EFCAB6: variants seen among roughly 807,000 people sequenced by gnomAD.
EFCAB6 encodes the protein EF-hand calcium binding domain 6, also known as EF-hand calcium-binding domain-containing protein 6.
A neutral mutation model predicts 169.8 loss-of-function variants in EFCAB6; 156 were observed. That is an observed-to-expected ratio of 0.92 (90% CI 0.81 to 1.05). EFCAB6 has a LOEUF of 1.05. Among genes scored for constraint, EFCAB6 ranks in the 50% least tolerant of loss-of-function variants. The pLI, the probability that EFCAB6 is intolerant of heterozygous loss-of-function variation, is 0.00. For missense variants in EFCAB6, 1,800 were observed against 1,829.1 expected (o/e 0.98, Z 0.29); for synonymous variants, 698 against 676.4 (o/e 1.03, Z -0.50).
chr22:43,791,057 G>A (rs1475018622), intron 2 of EFCAB6, among the ~76,000 whole-genome samples: 2 of 152,150 alleles, frequency 1.3e-5, no homozygotes, highest in Non-Finnish European at 2.9e-5. Flanking sequence ...TACTGAATAG[G>A]TCACTGAATA....
At chr22:43,733,963 T>A (rs1244067498) in intron 7 of EFCAB6, among the ~76,000 whole-genome samples, 1 of 152,112 alleles carries the variant, frequency 6.6e-6, no homozygotes, top group Non-Finnish European at 1.5e-5. Flanking sequence ...TGCCTCAGCA[T>A]CCCAAAGTGC....
At chr22:43,718,059 TCCAC>T (rs5845614) in intron 8 of EFCAB6, among the ~76,000 whole-genome samples, 872 of 59,486 alleles carry the variant, frequency 0.015, 8 homozygotes, top group East Asian at 0.062. Context: ...CATCCATCCA[TCCAC>T]CCATCCATCC....
intron 27 of EFCAB6, among the ~76,000 whole-genome samples, chr22:43,544,244 A>G (rs1326098107): frequency 6.6e-6 from 1 of 152,066 alleles, no homozygotes; most frequent in Non-Finnish European, 1.5e-5. Context: ...CTCTCAGCTG[A>G]TAATCTTACC....
chr22:43,627,628 C>T lies in EFCAB6; in HGVS notation c.2233-949G>A, dbSNP rs1302818928. On this transcript the variant is annotated intron_variant, in intron 19 of 31. Coordinates refer to ENST00000262726, the MANE Select transcript of EFCAB6 (RefSeq NM_022785.4). The stretch of plus-strand genomic sequence containing the variant: ...AATGCCTGTTTCCCACATGCACCTG[C>T]TTCCCGGGTCTCAGGCCTGAAAAGT... Among the ~76,000 whole-genome samples the T allele has an allele frequency of 5.3e-5, 8 of 152,320 alleles. 1 individual carries two copies. The East Asian group carries it at 1.5e-3, about 29-fold the overall frequency.
At chr22:43,578,086 C>T (rs867139354) in intron 25 of EFCAB6, among the ~76,000 whole-genome samples, 2 of 152,026 alleles carry the variant, frequency 1.3e-5, no homozygotes, top group Non-Finnish European at 2.9e-5. Context: ...TTCTTCAAAC[C>T]ACCTGGATTT....
Position 43,626,612 on chromosome 22 carries a change from TGAA to T in EFCAB6, c.2297_2299del (p.Leu766del). 1 of 1,614,204 alleles carries T rather than the reference TGAA, an allele frequency of 6.2e-7. No individual in the cohort carries two copies. Among genetic ancestry groups the T allele is most frequent in the Non-Finnish European group, 8.5e-7 (1 of 1,180,038 alleles). Reference sequence around the variant, plus strand: ...AAGCAGTAGATGCAGGAGCAGTCTGTGAAGGTCATGCATGTTGATTATGCCATC... The same window carrying T: ...AAGCAGTAGATGCAGGAGCAGTCTGTGGTCATGCATGTTGATTATGCCATC... On this transcript the variant is annotated inframe_deletion, in exon 20 of 32. Transcript: ENST00000262726.
At position 43,772,437 on chromosome 22, in the gene EFCAB6, C is replaced by T. The variant is rs184421328; in HGVS notation, c.351+455G>A. The stretch of plus-strand genomic sequence containing the variant: ...GGCAGATCACCTGAGGTCAGGAGTT[C>T]GAGACCAGCCTGGAAACATGGTGAA... On this transcript the variant is annotated intron_variant, in intron 4 of 31. Transcript: ENST00000262726. Among the ~76,000 whole-genome samples the T allele has an allele frequency of 2.6e-4, 39 of 152,174 alleles. No homozygotes were observed. The East Asian group carries it at 6.2e-3, about 24-fold the overall frequency.
At position 43,537,415 on chromosome 22, in the gene EFCAB6, A is replaced by G; in HGVS notation, c.4010T>C (p.Val1337Ala). Residue 1337 changes from valine to alanine, a missense_variant, in exon 29 of 32, where the codon GTG (valine) becomes GCG (alanine). Coordinates refer to ENST00000262726, the MANE Select transcript of EFCAB6 (RefSeq NM_022785.4). This position sits in a 1 kb window ranked among gnomAD's most constrained non-coding sequence, Gnocchi z 4.3. ...GGCGTTGATGTCCCCCTGTCTGGCC[A>G]CGTCCTTCTCCTTGCATTCTTTCAG... ...QLLKECKEKD[V>A]ARQGDINASD... The G allele has an allele frequency of 6.2e-7, 1 of 1,614,090 alleles. No individual in the cohort carries two copies. The highest frequency in any genetic ancestry group is 8.5e-7 in the Non-Finnish European group (1 of 1,180,004).
intron 17 of EFCAB6, among the ~76,000 whole-genome samples, chr22:43,666,706 T>TTG (rs1767567097): frequency 1.4e-5 from 2 of 147,368 alleles, no homozygotes; most frequent in African/African-American, 2.5e-5. Flanking sequence ...TTTTTTTTTT[T>TTG]TTTTTTTTTC....
intron 10 of EFCAB6, among the ~76,000 whole-genome samples, chr22:43,699,143 C>T (rs1440481859): frequency 6.6e-6 from 1 of 152,174 alleles, no homozygotes; most frequent in African/African-American, 2.4e-5. Context: ...ACTTTCTGCT[C>T]TTATCAACTC....
chr22:43,617,940 A>G (rs2053813050), intron 20 of EFCAB6, among the ~76,000 whole-genome samples: 1 of 151,772 alleles, frequency 6.6e-6, no homozygotes, highest in Non-Finnish European at 1.5e-5. Flanking sequence ...CGTCTCTACT[A>G]AAAATACAAA....
chr22:43,530,739 C>T (rs1165026751), intron 31 of EFCAB6, 76 bp downstream of exon 31: 1 of 1,593,570 alleles, frequency 6.3e-7, no homozygotes, highest in Non-Finnish European at 8.5e-7. Context: ...GTAGAGGGCT[C>T]CCCGTGGGAA....
intron 8 of EFCAB6, among the ~76,000 whole-genome samples, chr22:43,727,759 T>C (rs959079262): frequency 6.6e-6 from 1 of 152,170 alleles, no homozygotes; most frequent in Non-Finnish European, 1.5e-5. Context: ...TGCTTTGCAT[T>C]GCTATCAAGG....
chr22:43,539,227 C>T (rs1478979364), intron 28 of EFCAB6, among the ~76,000 whole-genome samples: 3 of 152,206 alleles, frequency 2.0e-5, no homozygotes, highest in Admixed American at 6.5e-5. Flanking sequence ...AACATAGTCA[C>T]AGCTTCCAAG....
chr22:43,639,934 T>G (rs1384234078), intron 17 of EFCAB6, among the ~76,000 whole-genome samples: 1 of 152,200 alleles, frequency 6.6e-6, no homozygotes, highest in African/African-American at 2.4e-5. Context: ...TTGAGCTATG[T>G]GGTGAATTTT....
At chr22:43,716,521 C>A in intron 9 of EFCAB6, 1 of 312,906 alleles carries the variant, frequency 3.2e-6, no homozygotes, top group East Asian at 5.0e-5. Flanking sequence ...ATCTTCCAAT[C>A]CAAGAATCAG....
At chr22:43,550,654 A>G (rs1206572219) in intron 27 of EFCAB6, among the ~76,000 whole-genome samples, 1 of 150,996 alleles carries the variant, frequency 6.6e-6, no homozygotes, top group East Asian at 1.9e-4. Context: ...CCTGCATGAC[A>G]CAGTGAGACT....
At chr22:43,794,731 G>A (rs2062436392) in intron 2 of EFCAB6, among the ~76,000 whole-genome samples, 1 of 152,136 alleles carries the variant, frequency 6.6e-6, no homozygotes, top group South Asian at 2.1e-4. Context: ...CAGCATTCGT[G>A]CCACCAACAT....
chr22:43,759,576 A>G (rs2061079767), intron 5 of EFCAB6: 1 of 152,200 alleles, frequency 6.6e-6, no homozygotes, highest in African/African-American at 2.4e-5. Context: ...AAAATCATTC[A>G]TTGGGTGTTT....
Sources: allele counts gnomAD v4.1 joint callset (sites outside exome capture counted in the v4.1 genomes callset), GRCh38; gene constraint gnomAD v4.1.1; non-coding constraint Gnocchi (gnomAD v3.1); transcripts MANE v1.5; gene names NCBI Gene and HGNC (gene_info 2026-07-23, HGNC 2026-07-21).